PRKCB: variants seen among roughly 807,000 people sequenced by gnomAD.
The protein encoded by PRKCB is protein kinase C beta type.
PRKCB carries 13 observed loss-of-function variants against 81.5 expected under a neutral mutation model. That is an observed-to-expected ratio of 0.16 (90% CI 0.10 to 0.25). PRKCB has a LOEUF of 0.25. Ranked by LOEUF, PRKCB falls within the 10% of genes least tolerant of loss-of-function variation. The probability of loss-of-function intolerance (pLI) is 1.00; values close to 1 mark genes in which losing one functional copy is unlikely to be tolerated. For missense variants in PRKCB, 509 were observed against 875.7 expected (o/e 0.58, Z 5.29); for synonymous variants, 335 against 321.4 (o/e 1.04, Z -0.45).
At chr16:24,014,993 G>A (rs1032280588) in intron 3 of PRKCB, among the ~76,000 whole-genome samples, 12 of 152,136 alleles carry the variant, frequency 7.9e-5, no homozygotes, top group Admixed American at 7.2e-4. Flanking sequence ...AAGAGATGGG[G>A]TTTTACCATG....
At chr16:23,845,584 C>T (rs922988718) in intron 2 of PRKCB, among the ~76,000 whole-genome samples, 2 of 152,132 alleles carry the variant, frequency 1.3e-5, no homozygotes, top group South Asian at 2.1e-4. Flanking sequence ...AGTTCGAGAC[C>T]AGCCTGGGCA....
chr16:24,056,878 CA>C (rs1285241386), intron 5 of PRKCB, among the ~76,000 whole-genome samples: 11 of 152,190 alleles, frequency 7.2e-5, no homozygotes, highest in African/African-American at 2.7e-4. Context: ...TCCTTGAGAG[CA>C]ACGCAAACGG....
chr16:24,106,398 G>A (rs1966578935), intron 7 of PRKCB, among the ~76,000 whole-genome samples: 1 of 152,112 alleles, frequency 6.6e-6, no homozygotes, highest in South Asian at 2.1e-4. Context: ...GAGAATTTCA[G>A]AGACCCCAGA....
chr16:24,091,061 T>A (rs996889330), intron 5 of PRKCB, among the ~76,000 whole-genome samples: 1 of 152,212 alleles, frequency 6.6e-6, no homozygotes, highest in South Asian at 2.1e-4. Context: ...ACTCTTTATT[T>A]CTTACTGCAC....
chr16:24,084,899 T>C (rs1431363278), intron 5 of PRKCB, among the ~76,000 whole-genome samples: 4 of 152,120 alleles, frequency 2.6e-5, no homozygotes, highest in Admixed American at 6.5e-5. Flanking sequence ...CATGGGTATA[T>C]AGTGGCATGA....
intron 8 of PRKCB, among the ~76,000 whole-genome samples, chr16:24,119,900 AG>A (rs1351483882): frequency 1.3e-5 from 2 of 152,202 alleles, no homozygotes; most frequent in Non-Finnish European, 2.9e-5. Flanking sequence ...CTTACTGCAA[AG>A]TAAACTGACC....
intron 2 of PRKCB, among the ~76,000 whole-genome samples, chr16:23,953,537 T>G (rs196003): frequency 6.6e-6 from 1 of 152,182 alleles, no homozygotes; most frequent in Admixed American, 6.5e-5. Context: ...CCTGTTAGAC[T>G]TGACATTTAA....
At position 24,118,578 on chromosome 16, in the gene PRKCB, C is replaced by T. The variant is rs201603966; in HGVS notation, c.919-5257C>T. ...TTTAGCCAGGACAGGCATTCATCAT[C>T]GGGAGTGGAGCCCAGAGTCTGGCTG... On this transcript the variant is annotated intron_variant, in intron 8 of 16. Coordinates refer to ENST00000643927, the MANE Select transcript of PRKCB (RefSeq NM_002738.7). Among the ~76,000 whole-genome samples the T allele has an allele frequency of 6.6e-5, 10 of 152,260 alleles. No individual in the cohort carries two copies. In the East Asian group the frequency reaches 1.4e-3, roughly 21 times the overall value.
chr16:23,996,818 G>A (rs146640941), intron 3 of PRKCB, among the ~76,000 whole-genome samples: 99 of 152,250 alleles, frequency 6.5e-4, no homozygotes, highest in Non-Finnish European at 1.2e-3. Flanking sequence ...GCCTTTTGAA[G>A]AGTCAGTTAT....
Position 23,910,339 on chromosome 16 carries a change from C to T in PRKCB, c.205+72933C>T, listed in dbSNP as rs568892135. On this transcript the variant is annotated intron_variant, in intron 2 of 16. Coordinates refer to ENST00000643927, the MANE Select transcript of PRKCB (RefSeq NM_002738.7). ...GGTGTGCACTGGTGAGATTTGGGGA[C>T]GGGGTGGTACTTAAGACCTGGCACT... Among the ~76,000 whole-genome samples, 22 of 152,222 alleles carry T rather than the reference C, an allele frequency of 1.4e-4. No individual in the cohort carries two copies. The South Asian group carries it at 4.1e-3, about 29-fold the overall frequency.
At chr16:23,845,996 A>G (rs1175280510) in intron 2 of PRKCB, among the ~76,000 whole-genome samples, 1 of 152,182 alleles carries the variant, frequency 6.6e-6, no homozygotes, top group Non-Finnish European at 1.5e-5. Context: ...GGAGCACAAG[A>G]TTACTCACAT....
At chr16:24,056,147 T>C (rs1965900328) in intron 5 of PRKCB, among the ~76,000 whole-genome samples, 1 of 152,252 alleles carries the variant, frequency 6.6e-6, no homozygotes. Flanking sequence ...AGCCTTGCAG[T>C]AAGTGCACAT....
intron 2 of PRKCB, among the ~76,000 whole-genome samples, chr16:23,913,108 A>G (rs889253535): frequency 2.6e-5 from 4 of 152,116 alleles, no homozygotes; most frequent in Non-Finnish European, 4.4e-5. Flanking sequence ...AGACTTCAGA[A>G]TGGAGGCTGA....
intron 16 of PRKCB, chr16:24,191,449 A>C: frequency 4.2e-6 from 2 of 471,836 alleles, no homozygotes; most frequent in Non-Finnish European, 7.3e-6. Context: ...GACGATGCCT[A>C]TTGAATTTTT....
At chr16:24,110,887 T>C (rs527605249) in intron 7 of PRKCB, among the ~76,000 whole-genome samples, 38 of 152,306 alleles carry the variant, frequency 2.5e-4, no homozygotes, top group African/African-American at 7.5e-4. Flanking sequence ...ACAAGTGATA[T>C]TGAATTTCCT....
At chr16:24,061,926 A>AC (rs1392150098) in intron 5 of PRKCB, among the ~76,000 whole-genome samples, 3 of 148,796 alleles carry the variant, frequency 2.0e-5, no homozygotes, top group African/African-American at 5.1e-5. Flanking sequence ...AAAAAAAAAA[A>AC]AAAAAAACTT....
chr16:24,176,106 T>C (rs1303702362), intron 12 of PRKCB, among the ~76,000 whole-genome samples: 1 of 151,378 alleles, frequency 6.6e-6, no homozygotes, highest in Non-Finnish European at 1.5e-5. Context: ...GCTTTCAGAG[T>C]CCTGGGGCTT....
chr16:23,886,731 A>T (rs544325999), intron 2 of PRKCB, among the ~76,000 whole-genome samples: 52 of 152,100 alleles, frequency 3.4e-4, no homozygotes, highest in Admixed American at 5.2e-4. Flanking sequence ...AGTTGAACAG[A>T]TTTCTTGGCT....
intron 2 of PRKCB, among the ~76,000 whole-genome samples, chr16:23,911,153 T>TTTTTTTTTA (rs57965434): frequency 3.6e-5 from 5 of 140,836 alleles, no homozygotes; most frequent in African/African-American, 5.5e-5. Flanking sequence ...TTTTTTTTTT[T>TTTTTTTTTA]GAGACAAGGT....
Sources: gnomAD v4.1 joint callset for allele counts (sites outside exome capture counted in the v4.1 genomes callset) on GRCh38, gnomAD v4.1.1 for gene constraint, MANE v1.5 for transcripts, NCBI Gene and HGNC (gene_info 2026-07-23, HGNC 2026-07-21) for gene names.